Variants in AKT3 observed in about 807,000 individuals in gnomAD.
The protein encoded by AKT3 is RAC-gamma serine/threonine-protein kinase.
In AKT3, 15 loss-of-function variants were observed where a neutral mutation model predicts 65.3. That is an observed-to-expected ratio of 0.23 (90% CI 0.15 to 0.35). The LOEUF (loss-of-function observed/expected upper bound fraction) is 0.35, where lower values mean the gene tolerates loss of function less well. Ranked by LOEUF, AKT3 falls within the 10% of genes least tolerant of loss-of-function variation. AKT3 has a pLI of 1.00. For missense variants in AKT3, 243 were observed against 576.5 expected (o/e 0.42, Z 5.92); for synonymous variants, 206 against 183.8 (o/e 1.12, Z -0.98).
chr1:243,591,242 G>A (rs943437314), intron 8 of AKT3, among the ~76,000 whole-genome samples: 1 of 152,170 alleles, frequency 6.6e-6, no homozygotes, highest in Non-Finnish European at 1.5e-5. Flanking sequence ...CAGGCTAACA[G>A]AAAGGCAAAA....
intron 8 of AKT3, among the ~76,000 whole-genome samples, chr1:243,600,774 G>GA (rs60783093): frequency 6.6e-6 from 1 of 151,942 alleles, no homozygotes; most frequent in African/African-American, 2.4e-5. Context: ...TTTGACTTTA[G>GA]AAAAAAATCT....
chr1:243,545,637 T>C (rs762306606), intron 11 of AKT3, 40 bp from the exon 12 acceptor site: 2 of 1,375,012 alleles, frequency 1.5e-6, no homozygotes, highest in East Asian at 4.6e-5. Context: ...TATAAAACAT[T>C]TACATAAGCT....
At chr1:243,620,693 T>C (rs1347122816) in intron 6 of AKT3, among the ~76,000 whole-genome samples, 1 of 152,138 alleles carries the variant, frequency 6.6e-6, no homozygotes, top group East Asian at 1.9e-4. Context: ...TATTCCTTTT[T>C]TTGAAGATTT....
chr1:243,633,667 T>C (rs1288178557), intron 6 of AKT3, among the ~76,000 whole-genome samples: 1 of 152,066 alleles, frequency 6.6e-6, no homozygotes, highest in Admixed American at 6.6e-5. Flanking sequence ...AGAATTAAAA[T>C]GTTTCACTAA....
chr1:243,648,892 C>T (rs1427279618), intron 4 of AKT3, among the ~76,000 whole-genome samples: 15 of 151,840 alleles, frequency 9.9e-5, no homozygotes, highest in Admixed American at 9.8e-4. Flanking sequence ...TTATTCTCTA[C>T]TATTTTTCTG....
At chr1:243,545,827 G>A (rs1672629187) in intron 11 of AKT3, among the ~76,000 whole-genome samples, 1 of 152,218 alleles carries the variant, frequency 6.6e-6, no homozygotes, top group South Asian at 2.1e-4. Context: ...TTTAGAGATA[G>A]ATCTGGAAGA....
At chr1:243,772,510 T>G (rs1398422833) in intron 2 of AKT3, among the ~76,000 whole-genome samples, 1 of 152,170 alleles carries the variant, frequency 6.6e-6, no homozygotes, top group Non-Finnish European at 1.5e-5. Context: ...TCAGTTAGAA[T>G]GGCGATCATT....
intron 3 of AKT3, among the ~76,000 whole-genome samples, chr1:243,688,629 G>C (rs1240977534): frequency 1.3e-5 from 2 of 152,130 alleles, no homozygotes; most frequent in African/African-American, 4.8e-5. Flanking sequence ...AGACTGAAAA[G>C]GATGAGGACT....
At chr1:243,595,723 C>T (rs541076433) in intron 8 of AKT3, among the ~76,000 whole-genome samples, 63 of 152,298 alleles carry the variant, frequency 4.1e-4, no homozygotes, top group African/African-American at 1.4e-3. Flanking sequence ...TCCTGTCCCA[C>T]TGTAAGGTCT....
intron 2 of AKT3, among the ~76,000 whole-genome samples, chr1:243,705,925 C>T (rs1285870261): frequency 6.6e-6 from 1 of 152,138 alleles, no homozygotes; most frequent in African/African-American, 2.4e-5. Flanking sequence ...CAAAGTCATT[C>T]TTGCACCATT....
At chr1:243,797,059 G>C (rs1692065723) in intron 2 of AKT3, among the ~76,000 whole-genome samples, 1 of 152,012 alleles carries the variant, frequency 6.6e-6, no homozygotes, top group Non-Finnish European at 1.5e-5. Context: ...GTGGTGAATG[G>C]TTGCAAAACA....
At chr1:243,488,592 G>A (rs1665581418) in intron 13 of AKT3, 1 of 236,802 alleles carries the variant, frequency 4.2e-6, no homozygotes, top group Non-Finnish European at 8.4e-6. Flanking sequence ...GATTAATAAT[G>A]GAAAACCCTT....
intron 2 of AKT3, among the ~76,000 whole-genome samples, chr1:243,768,988 T>G (rs1690004739): frequency 7.2e-6 from 1 of 139,494 alleles, no homozygotes; most frequent in African/African-American, 2.4e-5. Context: ...CCAGAACTCA[T>G]TAGCAGTCAT....
At chr1:243,693,280 A>C (rs1187420225) in intron 3 of AKT3, among the ~76,000 whole-genome samples, 1 of 111,848 alleles carries the variant, frequency 8.9e-6, no homozygotes, top group Admixed American at 8.9e-5. Flanking sequence ...ATATATATAT[A>C]TATATATATA....
chr1:243,607,436 A>G (rs1024719878), intron 8 of AKT3, among the ~76,000 whole-genome samples: 5 of 152,214 alleles, frequency 3.3e-5, no homozygotes, highest in Non-Finnish European at 7.3e-5. Context: ...TGACTGCACT[A>G]TTGGACTTTA....
intron 12 of AKT3, among the ~76,000 whole-genome samples, chr1:243,525,966 A>C (rs1309621468): frequency 6.6e-6 from 1 of 151,206 alleles, no homozygotes; most frequent in African/African-American, 2.4e-5. Flanking sequence ...GAATAAATAG[A>C]AAACCTCACC....
intron 2 of AKT3, among the ~76,000 whole-genome samples, chr1:243,785,063 A>ATTTTTT (rs764079943): frequency 7.4e-6 from 1 of 134,888 alleles, no homozygotes; most frequent in African/African-American, 2.8e-5. Flanking sequence ...GTCCAACTCA[A>ATTTTTT]TTTTTTTTTT....
At chr1:243,763,061 A>T (rs1184315944) in intron 2 of AKT3, among the ~76,000 whole-genome samples, 1 of 152,096 alleles carries the variant, frequency 6.6e-6, no homozygotes, top group Non-Finnish European at 1.5e-5. Flanking sequence ...TTACTCTAAT[A>T]AAGAAAAACA....
In AKT3 at chr1:243,671,078, C is replaced by CTT. The variant is rs569050061; in HGVS notation, c.173-6197_173-6196dup. ...AAAACGAAGGCATAATAATAGATTC[C>CTT]TTTTTTTTTTTTTTTTTTGAGACGG... On this transcript the variant is annotated intron_variant, in intron 3 of 13. Transcript: ENST00000673466. Among the ~76,000 whole-genome samples the CTT allele has an allele frequency of 1.1e-3, 153 of 137,172 alleles. 1 individual carries two copies. The highest frequency in any genetic ancestry group is 3.9e-3 in the Middle Eastern group (1 of 254). 90.0% of individuals were successfully genotyped at this position (137,172 alleles called of 152,430 possible).
Sources: gnomAD v4.1 joint callset for allele counts (sites outside exome capture counted in the v4.1 genomes callset) on GRCh38, gnomAD v4.1.1 for gene constraint, MANE v1.5 for transcripts, NCBI Gene and HGNC (gene_info 2026-07-23, HGNC 2026-07-21) for gene names.